Variants in PKN2 observed in about 807,000 individuals in gnomAD.
PKN2 encodes the protein serine/threonine-protein kinase N2.
A neutral mutation model predicts 119.1 loss-of-function variants in PKN2; 38 were observed. That is an observed-to-expected ratio of 0.32 (90% CI 0.25 to 0.42). PKN2 has a LOEUF of 0.42. PKN2 is among the 10% of genes least tolerant of loss of function. The probability of loss-of-function intolerance (pLI) is 1.00; values close to 1 mark genes in which losing one functional copy is unlikely to be tolerated. For missense variants in PKN2, 850 were observed against 1,165.1 expected, an observed-to-expected ratio of 0.73 and a Z score of 3.94; for synonymous variants, 390 against 384.9, an observed-to-expected ratio of 1.01 and a Z score of -0.15.
chr1:88,789,817 CCTATT>C (rs1670741421), intron 8 of PKN2, among the ~76,000 whole-genome samples: 1 of 151,986 alleles, frequency 6.6e-6, no homozygotes, highest in Non-Finnish European at 1.5e-5. Flanking sequence ...CCACCGCACT[CCTATT>C]CTCATTCTCC....
chr1:88,728,534 A>G (rs1667992631), intron 1 of PKN2, among the ~76,000 whole-genome samples: 1 of 151,954 alleles, frequency 6.6e-6, no homozygotes, highest in Non-Finnish European at 1.5e-5. Context: ...TTGTTTTTTT[A>G]ATGGACTTTA....
intron 3 of PKN2, among the ~76,000 whole-genome samples, chr1:88,767,969 CA>C (rs1669732580): frequency 6.6e-6 from 1 of 152,136 alleles, no homozygotes; most frequent in African/African-American, 2.4e-5. Context: ...CAGGAGAATA[CA>C]GGTTGATTGT....
In PKN2 at chr1:88,824,517, A is replaced by G. The variant is rs1672420909; in HGVS notation, c.2419+131A>G. Reference sequence around the variant, plus strand: ...TATTCTTCATTAAGACATTGTAGATACAATGAAAACATTGCTTATATAACC... The same window carrying G: ...TATTCTTCATTAAGACATTGTAGATGCAATGAAAACATTGCTTATATAACC... On this transcript the variant is annotated intron_variant, in intron 18 of 21. Coordinates refer to ENST00000370521, the MANE Select transcript of PKN2 (RefSeq NM_006256.4). 12 of 583,316 alleles carry G rather than the reference A, an allele frequency of 2.1e-5. No individual in the cohort carries two copies. In the South Asian group the frequency reaches 2.5e-4, roughly 12 times the overall value. The allele number at this position is 583,316 out of a possible 1,614,324, so 36.1% of individuals were successfully genotyped here. A position where few individuals can be genotyped will look rare whatever the true frequency, so the allele number is the denominator to read the frequency against.
chr1:88,697,679 C>T (rs979525287), intron 1 of PKN2, among the ~76,000 whole-genome samples: 2 of 152,140 alleles, frequency 1.3e-5, no homozygotes, highest in African/African-American at 4.8e-5. Context: ...GCAATCCAAG[C>T]TGTCATTGTT....
rs1227504888 is a variant in PKN2 at position 88,807,749 on chromosome 1, T to G, written c.2076T>G (p.Asp692Glu). ...MFAIKALKKG[D>E]IVARDEVDSL... ...CTATAAAAGCCTTAAAGAAAGGAGATATTGTGGCTCGAGATGAAGTAGACA... is the reference window on the plus strand; with the variant it reads ...CTATAAAAGCCTTAAAGAAAGGAGAGATTGTGGCTCGAGATGAAGTAGACA... The change falls in exon 15 of 22, where the codon GAT (aspartate) becomes GAG (glutamate). Residue 692 changes from aspartate to glutamate, a missense_variant. This residue lies in a region of PKN2 where 216 missense variants were observed against 252.8 expected (regional missense o/e 0.85). Coordinates refer to ENST00000370521, the MANE Select transcript of PKN2 (RefSeq NM_006256.4). 6.3e-7 allele frequency: 1 copy of G among 1,598,944 alleles called. No homozygotes were observed.
At chr1:88,807,183 G>T in intron 12 of PKN2, 130 bp from the exon 13 acceptor site, 1 of 719,184 alleles carries the variant, frequency 1.4e-6, no homozygotes, top group Non-Finnish European at 2.2e-6. Context: ...TAAAGAATGA[G>T]TATCTGAATT....
chr1:88,829,306 T>C, intron 19 of PKN2: 1 of 606,324 alleles, frequency 1.6e-6, no homozygotes, highest in Non-Finnish European at 3.1e-6. Flanking sequence ...TACCTTCACA[T>C]GTGCTATCAA....
chr1:88,827,709 A>G (rs1056842504), intron 18 of PKN2, among the ~76,000 whole-genome samples: 1 of 128,778 alleles, frequency 7.8e-6, no homozygotes, highest in African/African-American at 2.9e-5. Context: ...ATTGAGATAT[A>G]TATATGTTTT....
At chr1:88,777,787 C>G (rs1451976187) in intron 6 of PKN2, among the ~76,000 whole-genome samples, 2 of 152,158 alleles carry the variant, frequency 1.3e-5, no homozygotes, top group Non-Finnish European at 2.9e-5. Context: ...ATGCCTTCCT[C>G]CCTTTGGAAT....
At chr1:88,755,141 A>C (rs1363249514) in intron 2 of PKN2, among the ~76,000 whole-genome samples, 5 of 152,144 alleles carry the variant, frequency 3.3e-5, no homozygotes, top group Non-Finnish European at 7.4e-5. Flanking sequence ...GTTTTTAAAA[A>C]ATTTTTTGAA....
chr1:88,736,361 T>TA (rs1480713380), intron 1 of PKN2, among the ~76,000 whole-genome samples: 1 of 152,072 alleles, frequency 6.6e-6, no homozygotes, highest in African/African-American at 2.4e-5. Flanking sequence ...AATGCTTTCT[T>TA]AAAATTTTTT....
intron 1 of PKN2, among the ~76,000 whole-genome samples, chr1:88,738,404 C>T (rs1668438990): frequency 6.6e-6 from 1 of 152,134 alleles, no homozygotes; most frequent in East Asian, 1.9e-4. Context: ...TAAAAGTTAA[C>T]AGGGTCAAGA....
At chr1:88,762,542 AT>A (rs1669489619) in intron 3 of PKN2, among the ~76,000 whole-genome samples, 1 of 152,154 alleles carries the variant, frequency 6.6e-6, no homozygotes, top group Admixed American at 6.5e-5. Flanking sequence ...TTCATTAAGG[AT>A]TTTGTTAAAA....
intron 6 of PKN2, chr1:88,781,015 GAAGTATCTTACAAT>G (rs1670317044): frequency 1.1e-6 from 1 of 885,586 alleles, no homozygotes; most frequent in Non-Finnish European, 1.4e-6. Context: ...AACCTAAAAA[GAAGTATCTTACAAT>G]TCTTAAGACA....
rs201149414 is a variant in PKN2 at position 88,805,616 on chromosome 1, C to G, written c.1621C>G (p.Pro541Ala). The G allele has an allele frequency of 3.7e-6, 6 of 1,614,028 alleles. No individual in the cohort carries two copies. The highest frequency in any genetic ancestry group is 5.1e-6 in the Non-Finnish European group (6 of 1,179,992). Reference sequence around the variant, plus strand: ...CACCTTCAGCCCTCAAGCTCCTGTGCCTACTACAGTGCCAGTGGTTGATGT... The same window carrying G: ...CACCTTCAGCCCTCAAGCTCCTGTGGCTACTACAGTGCCAGTGGTTGATGT... The part of the protein sequence containing the change: ...SGTFSPQAPV[P>A]TTVPVVDVRI... Residue 541 changes from proline (P) to alanine (A), a missense_variant, in exon 11 of 22, where the codon CCT (proline) becomes GCT (alanine). Transcript: ENST00000370521.
Position 88,684,515 on chromosome 1 carries a change from C to T in PKN2, c.-66C>T. The T allele has an allele frequency of 7.0e-7, 1 of 1,438,586 alleles. No homozygotes were observed. 89.1% of individuals were successfully genotyped at this position (1,438,586 alleles called of 1,614,324 possible). A position where few individuals can be genotyped will look rare whatever the true frequency, so the allele number is the denominator to read the frequency against. On this transcript the variant is annotated 5_prime_UTR_variant, in exon 1 of 22. Transcript: ENST00000370521. ...CCCTCTCCTCACCCCCACCCCGAGCCCCGTCCCGCCTTCTCCCTTCGCCAG... is the reference window on the plus strand; with the variant it reads ...CCCTCTCCTCACCCCCACCCCGAGCTCCGTCCCGCCTTCTCCCTTCGCCAG...
rs545838674 is a variant in PKN2, at chr1:88,729,427, C to T, written c.49-11561C>T. On this transcript the variant is annotated intron_variant, in intron 1 of 21. Transcript: ENST00000370521. ...CTGGTCTCAACTGGGCTCACTTATG[C>T]AGCTGTATTCAGCTGGTGGCTAAGC... Among the ~76,000 whole-genome samples the T allele has an allele frequency of 1.6e-4, 24 of 152,300 alleles. 1 individual carries two copies. In the South Asian group the frequency reaches 4.6e-3, roughly 29 times the overall value.
intron 1 of PKN2, among the ~76,000 whole-genome samples, chr1:88,713,748 A>G (rs1208024405): frequency 2.0e-5 from 3 of 152,080 alleles, no homozygotes; most frequent in Non-Finnish European, 4.4e-5. Context: ...CTCTGATGGT[A>G]GTTTCTTTTG....
At chr1:88,808,410 A>G (rs1671646267) in intron 15 of PKN2, among the ~76,000 whole-genome samples, 1 of 151,942 alleles carries the variant, frequency 6.6e-6, no homozygotes, top group African/African-American at 2.4e-5. Flanking sequence ...GGTTCAAGCA[A>G]TTCTCCTGCC....
Sources: allele counts gnomAD v4.1 joint callset (sites outside exome capture counted in the v4.1 genomes callset), GRCh38; gene constraint gnomAD v4.1.1; regional missense constraint gnomAD v4.1.1; transcripts MANE v1.5; gene names NCBI Gene and HGNC (gene_info 2026-07-23, HGNC 2026-07-21).